The following ARHGAP29 variants were observed in gnomAD, a reference collection of about 807,000 sequenced individuals.
ARHGAP29 encodes the protein Rho GTPase activating protein 29.
ARHGAP29 carries 43 observed loss-of-function variants against 122.6 expected under a neutral mutation model. That is an observed-to-expected ratio of 0.35 (90% CI 0.27 to 0.45). The LOEUF is 0.45. Among genes scored for constraint, ARHGAP29 ranks in the 20% least tolerant of loss-of-function variants. The pLI is 1.00. For synonymous variants in ARHGAP29, 506 were observed against 497.1 expected, an observed-to-expected ratio of 1.02 and a Z score of -0.24; for missense variants, 1,303 against 1,477.2, an observed-to-expected ratio of 0.88 and a Z score of 1.93.
chr1:94,212,820 A>G, intron 3 of ARHGAP29, among the ~76,000 whole-genome samples: 1 of 152,118 alleles, frequency 6.6e-6, no homozygotes, highest in East Asian at 1.9e-4. Context: ...TGTCCTGCTC[A>G]GTGTTTCAAA....
intron 1 of ARHGAP29, among the ~76,000 whole-genome samples, chr1:94,266,587 AT>A (rs889772558): frequency 1.4e-4 from 22 of 152,174 alleles, no homozygotes; most frequent in African/African-American, 5.3e-4. Context: ...TTTCACCTGC[AT>A]TGTGGTGGGG....
the ARHGAP29 span, among the ~76,000 whole-genome samples, chr1:94,285,905 A>T: frequency 1.3e-5 from 2 of 151,662 alleles, no homozygotes; most frequent in Non-Finnish European, 2.9e-5. Flanking sequence ...AAAAAAAAGA[A>T]CTACATTCAA....
chr1:94,177,703 C>T lies in ARHGAP29; in HGVS notation c.2814G>A (p.Glu938=). 1.2e-6 allele frequency: 2 copies of T among 1,612,778 alleles called. No individual in the cohort carries two copies. Among genetic ancestry groups the T allele is most frequent in the Non-Finnish European group, 1.7e-6 (2 of 1,179,666 alleles). The change falls in exon 22 of 23, where the codon GAG becomes GAA. Residue 938 remains glutamate (E), a synonymous_variant. Transcript: ENST00000260526. The part of the protein sequence containing the change: ...FSSKEDIHTS[E]SESKIFERAT... ...CTCGTTCAAAAATTTTGCTTTCACTCTCTGAAGTATGGATATCCTGTTGAT... is the reference window on the plus strand; with the variant it reads ...CTCGTTCAAAAATTTTGCTTTCACTTTCTGAAGTATGGATATCCTGTTGAT...
intron 3 of ARHGAP29, among the ~76,000 whole-genome samples, chr1:94,212,142 G>A (rs10874843): frequency 0.95 from 145,385 of 152,256 alleles, 69,792 homozygotes; most frequent in East Asian, 1. Context: ...AGCTGGGGGT[G>A]GTGACGCACT....
chr1:94,204,757 T>C (rs1651087900), intron 7 of ARHGAP29, among the ~76,000 whole-genome samples: 1 of 152,240 alleles, frequency 6.6e-6, no homozygotes, highest in African/African-American at 2.4e-5. Context: ...CATACATCTA[T>C]TGTTGCTGTT....
chr1:94,306,509 C>T, the ARHGAP29 span, among the ~76,000 whole-genome samples: 1 of 152,178 alleles, frequency 6.6e-6, no homozygotes. Context: ...ACTTTTGTAA[C>T]TCAGGATTTT....
intron 1 of ARHGAP29, among the ~76,000 whole-genome samples, chr1:94,257,391 A>C (rs138460239): frequency 6.6e-6 from 1 of 150,694 alleles, no homozygotes; most frequent in Non-Finnish European, 1.5e-5. Flanking sequence ...ACAGGGTGAG[A>C]CTTTGTCTCA....
At chr1:94,219,418 C>T (rs1245808644) in intron 3 of ARHGAP29, among the ~76,000 whole-genome samples, 1 of 152,142 alleles carries the variant, frequency 6.6e-6, no homozygotes, top group Non-Finnish European at 1.5e-5. Flanking sequence ...ATCAACAATT[C>T]CCAAGTCCAC....
At chr1:94,281,262 C>G in the ARHGAP29 span, among the ~76,000 whole-genome samples, 1 of 152,174 alleles carries the variant, frequency 6.6e-6, no homozygotes, top group Non-Finnish European at 1.5e-5. Flanking sequence ...TACATGTATA[C>G]ACACATTTAA....
At chr1:94,198,041 A>G (rs1025832249) in intron 12 of ARHGAP29, among the ~76,000 whole-genome samples, 6 of 152,258 alleles carry the variant, frequency 3.9e-5, no homozygotes, top group African/African-American at 1.4e-4. Flanking sequence ...AGGAAGATAT[A>G]AAACTGTCCC....
chr1:94,218,394 T>C (rs901239365), intron 3 of ARHGAP29, among the ~76,000 whole-genome samples: 2 of 152,174 alleles, frequency 1.3e-5, no homozygotes, highest in South Asian at 2.1e-4. Context: ...ATTCAGAAGA[T>C]TGCTTTTCCT....
chr1:94,281,016 G>A, the ARHGAP29 span, among the ~76,000 whole-genome samples: 1 of 152,144 alleles, frequency 6.6e-6, no homozygotes, highest in East Asian at 1.9e-4. Context: ...CACTTCCAGT[G>A]ACACAGAAAC....
chr1:94,256,030 T>G (rs968435071), intron 1 of ARHGAP29, among the ~76,000 whole-genome samples: 1 of 152,224 alleles, frequency 6.6e-6, no homozygotes, highest in Admixed American at 6.5e-5. Flanking sequence ...AAAACAAGTC[T>G]GTGAAATATG....
the ARHGAP29 span, among the ~76,000 whole-genome samples, chr1:94,296,380 G>C: frequency 6.6e-6 from 1 of 152,062 alleles, no homozygotes; most frequent in Admixed American, 6.5e-5. Flanking sequence ...TAGTGATGCT[G>C]GCATATTTTT....
At chr1:94,230,529 T>C (rs1248707633) in intron 2 of ARHGAP29, among the ~76,000 whole-genome samples, 2 of 151,776 alleles carry the variant, frequency 1.3e-5, no homozygotes, top group Admixed American at 6.6e-5. Context: ...AAGCACAAGA[T>C]ACAATTTTGG....
In ARHGAP29 at chr1:94,237,537, TCAGCCG is replaced by T. The variant is rs930096339; in HGVS notation, c.-161_-156del. 4.0e-5 allele frequency: 40 copies of T among 990,632 alleles called. No homozygotes were observed. Among genetic ancestry groups the T allele is most frequent in the African/African-American group, 3.0e-4 (17 of 57,080 alleles). 61.4% of individuals were successfully genotyped at this position (990,632 alleles called of 1,614,324 possible). A position where few individuals can be genotyped will look rare whatever the true frequency, so the allele number is the denominator to read the frequency against. Reference sequence around the variant, plus strand: ...CGGCCTGCGGACGCCCGGCCAAATCTCAGCCGCAGCCGCAGCCGCAGCCACAGCCAC... The same window carrying T: ...CGGCCTGCGGACGCCCGGCCAAATCTCAGCCGCAGCCGCAGCCACAGCCAC... On this transcript the variant is annotated 5_prime_UTR_variant, in exon 1 of 23. Coordinates refer to ENST00000260526, the MANE Select transcript of ARHGAP29 (RefSeq NM_004815.4).
the ARHGAP29 span, among the ~76,000 whole-genome samples, chr1:94,294,326 T>G: frequency 3.6e-3 from 549 of 152,112 alleles, 5 homozygotes; most frequent in Non-Finnish European, 5.9e-3. Context: ...TGTATATATT[T>G]TTTTAGACAG....
At chr1:94,210,567 T>G (rs916090109) in intron 3 of ARHGAP29, among the ~76,000 whole-genome samples, 3 of 152,202 alleles carry the variant, frequency 2.0e-5, no homozygotes, top group Non-Finnish European at 4.4e-5. Flanking sequence ...CTAAGATCCA[T>G]AACCTTCATC....
At chr1:94,314,474 C>T in the ARHGAP29 span, among the ~76,000 whole-genome samples, 3 of 152,202 alleles carry the variant, frequency 2.0e-5, no homozygotes. Context: ...AGGTCTTTCT[C>T]ATTTATAACA....
Sources: gnomAD v4.1 joint callset for allele counts (sites outside exome capture counted in the v4.1 genomes callset) on GRCh38, gnomAD v4.1.1 for gene constraint, MANE v1.5 for transcripts, NCBI Gene and HGNC (gene_info 2026-07-23, HGNC 2026-07-21) for gene names.